CCNYL1: variants seen among roughly 807,000 people sequenced by gnomAD.
CCNYL1 encodes the protein cyclin Y like 1, also known as cyclin-Y-like protein 1.
CCNYL1 carries 16 observed loss-of-function variants against 44.2 expected under a neutral mutation model. The observed-to-expected ratio is 0.36, with a 90% CI of 0.25 to 0.55. CCNYL1 has a LOEUF of 0.55. Among genes scored for constraint, CCNYL1 ranks in the 20% least tolerant of loss-of-function variants. The pLI is 0.85. For missense variants in CCNYL1, 348 were observed against 451.8 expected (o/e 0.77, Z 2.08); for synonymous variants, 159 against 163.2 (o/e 0.97, Z 0.20).
intron 5 of CCNYL1, among the ~76,000 whole-genome samples, chr2:207,739,842 C>T (rs915854977): frequency 1.6e-4 from 24 of 152,312 alleles, no homozygotes; most frequent in African/African-American, 5.3e-4. Context: ...GGTAGCACTG[C>T]CTTGATTCAT....
chr2:207,752,386 T>C (rs2091899952), intron 9 of CCNYL1, among the ~76,000 whole-genome samples: 1 of 151,240 alleles, frequency 6.6e-6, no homozygotes, highest in African/African-American at 2.4e-5. Flanking sequence ...TACTAAAAAT[T>C]CAAAAATTAG....
At chr2:207,743,747 C>T (rs1419082844) in intron 7 of CCNYL1, among the ~76,000 whole-genome samples, 3 of 152,164 alleles carry the variant, frequency 2.0e-5, no homozygotes, top group Non-Finnish European at 4.4e-5. Flanking sequence ...TAAATGCTGC[C>T]AAGAAGTTTC....
intron 7 of CCNYL1, among the ~76,000 whole-genome samples, chr2:207,743,562 C>T (rs576799659): frequency 6.6e-6 from 1 of 152,190 alleles, no homozygotes; most frequent in Non-Finnish European, 1.5e-5. Context: ...CCAGCTTGGG[C>T]AACATAGCAA....
rs541180191 is a variant in CCNYL1 at position 207,718,485 on chromosome 2, G to A, written c.221-6315G>A. Among the ~76,000 whole-genome samples, 8 of 151,854 alleles carry A rather than the reference G, an allele frequency of 5.3e-5. No individual in the cohort carries two copies. In the South Asian group the frequency reaches 1.2e-3, roughly 24 times the overall value. On this transcript the variant is annotated intron_variant, in intron 1 of 9. Coordinates refer to ENST00000295414, the MANE Select transcript of CCNYL1 (RefSeq NM_001330218.2). ...ATTGCTCCACTGCCCTCCAGCCTGG[G>A]TGACAGTGAGACTGTCTCAAAAAAA... is the stretch of plus-strand genomic sequence containing the variant.
intron 9 of CCNYL1, among the ~76,000 whole-genome samples, chr2:207,753,145 C>T (rs186215509): frequency 1.3e-5 from 2 of 152,284 alleles, no homozygotes; most frequent in East Asian, 3.9e-4. Context: ...TATAGTCCAG[C>T]ACACACCTGC....
chr2:207,735,421 C>G (rs549741193), intron 4 of CCNYL1, among the ~76,000 whole-genome samples: 1 of 152,298 alleles, frequency 6.6e-6, no homozygotes, highest in East Asian at 1.9e-4. Flanking sequence ...CCCTTGATCT[C>G]TAGGCAGTCA....
At chr2:207,748,502 A>G (rs1404241511) in intron 8 of CCNYL1, among the ~76,000 whole-genome samples, 1 of 152,208 alleles carries the variant, frequency 6.6e-6, no homozygotes, top group African/African-American at 2.4e-5. Flanking sequence ...AGGCTGAGCC[A>G]GGGAGGCATT....
chr2:207,714,573 T>C, intron 1 of CCNYL1: 1 of 258,050 alleles, frequency 3.9e-6, no homozygotes, highest in Non-Finnish European at 7.7e-6. Flanking sequence ...AAGAGTTTGT[T>C]CTGGTAACTG....
chr2:207,720,508 A>G (rs1458394130), intron 1 of CCNYL1, among the ~76,000 whole-genome samples: 1 of 151,972 alleles, frequency 6.6e-6, no homozygotes, highest in African/African-American at 2.4e-5. Context: ...CCCTGGGCTC[A>G]AGTTATCCTG....
chr2:207,731,106 A>G (rs1330847012), intron 3 of CCNYL1, among the ~76,000 whole-genome samples: 1 of 152,210 alleles, frequency 6.6e-6, no homozygotes, highest in African/African-American at 2.4e-5. Context: ...ACTGTGCAAC[A>G]TAGATGGAGG....
rs888370238 is a variant in CCNYL1 at position 207,755,030 on chromosome 2, C to G, written c.*1332C>G. On this transcript the variant is annotated 3_prime_UTR_variant, in exon 10 of 10. Coordinates refer to ENST00000295414, the MANE Select transcript of CCNYL1 (RefSeq NM_001330218.2). ...TGCCTATAGGAATAGCTACTACACTCCAACCTGGACAACGTTATCAAGACC... is the reference window on the plus strand; with the variant it reads ...TGCCTATAGGAATAGCTACTACACTGCAACCTGGACAACGTTATCAAGACC... The G allele has an allele frequency of 6.6e-6, 1 of 151,806 alleles. No homozygotes were observed. Among genetic ancestry groups the G allele is most frequent in the Non-Finnish European group, 1.5e-5 (1 of 67,982 alleles). 9.4% of individuals were successfully genotyped at this position (151,806 alleles called of 1,614,324 possible).
At chr2:207,724,931 A>G (rs2091668911) in intron 2 of CCNYL1, 57 bp downstream of exon 2, 1 of 1,329,960 alleles carries the variant, frequency 7.5e-7, no homozygotes, top group African/African-American at 1.5e-5. Context: ...TTTCTATTTT[A>G]TTGGATGTAT....
In CCNYL1 at chr2:207,712,210, C is replaced by T. The variant is rs59050344; in HGVS notation, c.220+94C>T. 4.2e-5 allele frequency: 45 copies of T among 1,077,142 alleles called. No individual in the cohort carries two copies. In the African/African-American group the frequency reaches 6.2e-4, roughly 15 times the overall value. 66.7% of individuals were successfully genotyped at this position (1,077,142 alleles called of 1,614,324 possible). The stretch of plus-strand genomic sequence containing the variant: ...GGGAGGCATCCGCCGCCTCGGGCTC[C>T]TTCCTGCCGGTAGCCGGCCCCGGGA... On this transcript the variant is annotated intron_variant, in intron 1 of 9. Transcript: ENST00000295414.
chr2:207,730,109 C>G lies in CCNYL1; in HGVS notation c.330+3233C>G, dbSNP rs1468897684. ...AGCATGGCTGCTCATTTTCCAGAAG[C>G]AGAGTTGGAAAAGGGAGGTGGAGTT... On this transcript the variant is annotated intron_variant, in intron 3 of 9. Transcript: ENST00000295414. Among the ~76,000 whole-genome samples the G allele has an allele frequency of 2.0e-5, 3 of 152,136 alleles. No individual in the cohort carries two copies. The East Asian group carries it at 5.8e-4, about 29-fold the overall frequency.
At chr2:207,725,177 A>T (rs1290558305) in intron 2 of CCNYL1, among the ~76,000 whole-genome samples, 2 of 139,306 alleles carry the variant, frequency 1.4e-5, no homozygotes, top group Non-Finnish European at 3.0e-5. Context: ...CCCATGCTGG[A>T]GTGCAATGAT....
intron 6 of CCNYL1, among the ~76,000 whole-genome samples, chr2:207,741,808 T>C (rs1575220569): frequency 1.3e-5 from 2 of 148,638 alleles, no homozygotes; most frequent in East Asian, 4.0e-4. Context: ...ATTGTGCCAC[T>C]GCATTCCAGC....
At chr2:207,723,235 A>G (rs1216194945) in intron 1 of CCNYL1, among the ~76,000 whole-genome samples, 1 of 152,204 alleles carries the variant, frequency 6.6e-6, no homozygotes, top group Non-Finnish European at 1.5e-5. Context: ...CAGTACTATT[A>G]AAATGGATGA....
intron 3 of CCNYL1, among the ~76,000 whole-genome samples, chr2:207,731,806 C>CTT (rs58231431): frequency 9.5e-5 from 8 of 84,640 alleles, no homozygotes; most frequent in Admixed American, 2.8e-4. Flanking sequence ...GAGGTTTCTT[C>CTT]TTTTTTTTTT....
rs764033145 is a variant in CCNYL1, at chr2:207,753,612, A to C, written c.994A>C (p.Lys332Gln). The change falls in exon 10 of 10, where the codon AAA becomes CAA. Residue 332 changes from lysine to glutamine, a missense_variant. Physicochemically the swap from Lys to Gln is moderately conservative, Grantham distance 53. Transcript: ENST00000295414. ...GGCTATTTCTAGATTGTGTGAAGAC[A>C]AAGACTTGTGTAGAGCCGCTATGAG... ...LEAISRLCED[K>Q]DLCRAAMRRS... 6.2e-7 allele frequency: 1 copy of C among 1,613,140 alleles called. No individual in the cohort carries two copies. Among genetic ancestry groups the C allele is most frequent in the Non-Finnish European group, 8.5e-7 (1 of 1,179,218 alleles).
Sources: gnomAD v4.1 joint callset for allele counts (sites outside exome capture counted in the v4.1 genomes callset) on GRCh38, gnomAD v4.1.1 for gene constraint, MANE v1.5 for transcripts, NCBI Gene and HGNC (gene_info 2026-07-23, HGNC 2026-07-21) for gene names.